The following PPHLN1 variants were observed in gnomAD, a reference collection of about 807,000 sequenced individuals.
PPHLN1 encodes periphilin 1, also known as periphilin-1.
PPHLN1 carries 29 observed loss-of-function variants against 51.3 expected under a neutral mutation model. The ratio of observed to expected loss-of-function variants is 0.57; its 90% CI spans 0.42 to 0.77. The LOEUF (loss-of-function observed/expected upper bound fraction) is 0.77. Among genes scored for constraint, PPHLN1 ranks in the 30% least tolerant of loss-of-function variants. The pLI, the probability that PPHLN1 is intolerant of heterozygous loss-of-function variation, is 0.00. For missense variants in PPHLN1, 436 were observed against 438.4 expected, an observed-to-expected ratio of 0.99 and a Z score of 0.05; for synonymous variants, 147 against 147.8, an observed-to-expected ratio of 0.99 and a Z score of 0.04.
chr12:42,335,571 A>G (rs1025188473), intron 1 of PPHLN1, among the ~76,000 whole-genome samples: 7 of 152,046 alleles, frequency 4.6e-5, no homozygotes, highest in Admixed American at 3.9e-4. Context: ...GCTGTAGGAG[A>G]ATGAAGAAGT....
chr12:42,415,793 T>C (rs2080324991), intron 9 of PPHLN1, among the ~76,000 whole-genome samples: 1 of 152,222 alleles, frequency 6.6e-6, no homozygotes. Context: ...TTCTGAGAAA[T>C]GTAGTGTGTT....
At chr12:42,416,631 A>G (rs2080411681) in intron 9 of PPHLN1, among the ~76,000 whole-genome samples, 1 of 152,184 alleles carries the variant, frequency 6.6e-6, no homozygotes, top group Non-Finnish European at 1.5e-5. Flanking sequence ...TTTATTATAA[A>G]GGGTGCAAAT....
chr12:42,398,753 T>C, intron 8 of PPHLN1, 101 bp from the exon 9 acceptor site: 6 of 982,136 alleles, frequency 6.1e-6, no homozygotes, highest in Non-Finnish European at 8.8e-6. Flanking sequence ...ATGTTAAATC[T>C]AGCACTTAAT....
At chr12:42,375,429 A>G (rs1403130208) in intron 5 of PPHLN1, 2 of 164,698 alleles carry the variant, frequency 1.2e-5, no homozygotes, top group African/African-American at 2.5e-5. Flanking sequence ...CTCCTGCCCC[A>G]GCATCCTGAG....
At chr12:42,329,094 A>ATTTTTTTTTTTTTT (rs775555753) in intron 1 of PPHLN1, among the ~76,000 whole-genome samples, 17 of 141,350 alleles carry the variant, frequency 1.2e-4, no homozygotes, top group African/African-American at 4.8e-4. Flanking sequence ...TGGAATTTCA[A>ATTTTTTTTTTTTTT]TTTTTTTTTT....
rs73120498 is a variant in PPHLN1 at position 42,356,083 on chromosome 12, T to G, written c.299+861T>G. ...TTTAAATTGATTGATAGTTTTTGTT[T>G]TTAAATGACATCACAGTGGTGGTAT... On this transcript the variant is annotated intron_variant, in intron 4 of 9. Transcript: ENST00000358314. Among the ~76,000 whole-genome samples, 558 of 152,324 alleles carry G rather than the reference T, an allele frequency of 3.7e-3. 1 individual carries two copies. The highest frequency in any genetic ancestry group is 4.7e-3 in the Non-Finnish European group (317 of 68,024).
At position 42,348,276 on chromosome 12, in the gene PPHLN1, ATT is replaced by A. The variant is rs1213561958; in HGVS notation, c.73-3585_73-3584del. ...CAGGCATGCACACCTCACCTGGCTA[ATT>A]TTTTTTTTTTTTTTTTTTTTTTTAG... On this transcript the variant is annotated intron_variant, in intron 2 of 9. Transcript: ENST00000358314. Among the ~76,000 whole-genome samples, 21 of 85,602 alleles carry A rather than the reference ATT, an allele frequency of 2.5e-4. 1 individual carries two copies. The highest frequency in any genetic ancestry group is 1.4e-3 in the East Asian group (4 of 2,944). 56.2% of individuals were successfully genotyped at this position (85,602 alleles called of 152,430 possible). A position where few individuals can be genotyped will look rare whatever the true frequency, so the allele number is the denominator to read the frequency against.
chr12:42,344,153 G>A (rs2071914331), intron 2 of PPHLN1, among the ~76,000 whole-genome samples: 1 of 152,162 alleles, frequency 6.6e-6, no homozygotes, highest in Admixed American at 6.6e-5. Context: ...GCCAGGTGCT[G>A]TTCTAGGTGC....
At chr12:42,354,021 G>A (rs1356408113) in intron 3 of PPHLN1, among the ~76,000 whole-genome samples, 1 of 152,086 alleles carries the variant, frequency 6.6e-6, no homozygotes, top group East Asian at 1.9e-4. Context: ...ATGTAATGCA[G>A]ATTACTTGAT....
intron 4 of PPHLN1, among the ~76,000 whole-genome samples, chr12:42,368,565 T>C (rs2075500576): frequency 6.6e-6 from 1 of 152,208 alleles, no homozygotes; most frequent in Non-Finnish European, 1.5e-5. Context: ...ATGAATTAAT[T>C]GTTGAATCTG....
At chr12:42,383,713 G>T (rs1431564080) in intron 5 of PPHLN1, among the ~76,000 whole-genome samples, 1 of 152,260 alleles carries the variant, frequency 6.6e-6, no homozygotes, top group African/African-American at 2.4e-5. Flanking sequence ...GGTCGTGGTG[G>T]CTCACGCCTG....
rs551983299 is a variant in PPHLN1, at chr12:42,363,774, A to G, written c.299+8552A>G. ...TATTTACACAATGATTATATTGTCT[A>G]TTTTTTCAAAACATACTTATAGATG... On this transcript the variant is annotated intron_variant, in intron 4 of 9. Coordinates refer to ENST00000358314, the MANE Select transcript of PPHLN1 (RefSeq NM_201439.2). Among the ~76,000 whole-genome samples the G allele has an allele frequency of 4.9e-4, 75 of 152,086 alleles. 1 individual carries two copies. The highest frequency in any genetic ancestry group is 2.1e-3 in the South Asian group (10 of 4,812).
chr12:42,357,852 C>T (rs2074215897), intron 4 of PPHLN1, among the ~76,000 whole-genome samples: 1 of 151,806 alleles, frequency 6.6e-6, no homozygotes, highest in South Asian at 2.1e-4. Flanking sequence ...TATATTGTAC[C>T]CATTAAGTAA....
At chr12:42,335,841 A>G (rs769380464) in intron 1 of PPHLN1, 42 bp from the exon 2 acceptor site, 3 of 1,155,224 alleles carry the variant, frequency 2.6e-6, no homozygotes, top group Non-Finnish European at 3.6e-6. Context: ...CTTTTCTGTT[A>G]CTTCCTAGTA....
intron 9 of PPHLN1, among the ~76,000 whole-genome samples, chr12:42,421,459 T>G (rs2081000785): frequency 6.6e-6 from 1 of 152,136 alleles, no homozygotes; most frequent in South Asian, 2.1e-4. Context: ...GCGATTCTCC[T>G]GTCTCAGCCT....
chr12:42,418,971 GAT>G, intron 9 of PPHLN1, among the ~76,000 whole-genome samples: 1 of 152,006 alleles, frequency 6.6e-6, no homozygotes, highest in Non-Finnish European at 1.5e-5. Flanking sequence ...CAAAAGGTAA[GAT>G]ATTATTATAA....
chr12:42,435,168 G>A (rs545520070), intron 9 of PPHLN1, among the ~76,000 whole-genome samples: 68 of 152,266 alleles, frequency 4.5e-4, no homozygotes, highest in African/African-American at 1.5e-3. Flanking sequence ...CATAATTAAG[G>A]ATTAATCTTT....
intron 9 of PPHLN1, among the ~76,000 whole-genome samples, chr12:42,407,262 C>G (rs73272052): frequency 0.015 from 2,217 of 152,206 alleles, 56 homozygotes; most frequent in African/African-American, 0.05. Context: ...CAGGATATCT[C>G]AAGAAGTTGT....
At chr12:42,375,306 A>AT in intron 5 of PPHLN1, 1 of 274,202 alleles carries the variant, frequency 3.6e-6, no homozygotes, top group Non-Finnish European at 6.8e-6. Flanking sequence ...TTTCTTCAGC[A>AT]TGTAAAAGGT....
Sources: gnomAD v4.1 joint callset for allele counts (sites outside exome capture counted in the v4.1 genomes callset) on GRCh38, gnomAD v4.1.1 for gene constraint, MANE v1.5 for transcripts, NCBI Gene and HGNC (gene_info 2026-07-23, HGNC 2026-07-21) for gene names.